The following HIVEP3 variants were observed in gnomAD, a reference collection of about 807,000 sequenced individuals.
HIVEP3 encodes HIVEP zinc finger 3, also known as transcription factor HIVEP3.
A neutral mutation model predicts 152.8 loss-of-function variants in HIVEP3; 49 were observed. The observed-to-expected ratio is 0.32, with a 90% CI of 0.26 to 0.41. The LOEUF (loss-of-function observed/expected upper bound fraction) is 0.41, where lower values mean the gene tolerates loss of function less well. Among genes scored for constraint, HIVEP3 ranks in the 10% least tolerant of loss-of-function variants. The pLI is 1.00. For synonymous variants in HIVEP3, 1,269 were observed against 1,289.0 expected, an observed-to-expected ratio of 0.98 and a Z score of 0.33; for missense variants, 2,790 against 3,103.3, an observed-to-expected ratio of 0.90 and a Z score of 2.40.
intron 1 of HIVEP3, among the ~76,000 whole-genome samples, chr1:42,000,091 C>T (rs1645418454): frequency 6.6e-6 from 1 of 151,992 alleles, no homozygotes; most frequent in Non-Finnish European, 1.5e-5. Context: ...AAAGCTGGAC[C>T]TAGGTACTCA....
chr1:41,568,471 G>A (rs531311196), intron 5 of HIVEP3, among the ~76,000 whole-genome samples: 4 of 152,384 alleles, frequency 2.6e-5, no homozygotes, highest in East Asian at 1.9e-4. Flanking sequence ...ATGCAGGCCC[G>A]TGAGGGCTTC....
At chr1:41,871,240 T>C (rs1170141788) in intron 1 of HIVEP3, among the ~76,000 whole-genome samples, 2 of 152,228 alleles carry the variant, frequency 1.3e-5, no homozygotes, top group Non-Finnish European at 2.9e-5. Context: ...TGATGCCTTA[T>C]CCATCTGAAA....
intron 3 of HIVEP3, among the ~76,000 whole-genome samples, chr1:41,612,980 C>A (rs974539760): frequency 3.3e-5 from 5 of 152,236 alleles, no homozygotes; most frequent in Admixed American, 3.3e-4. Context: ...CTGGCCCTGG[C>A]AGGGTGAATG....
At chr1:41,608,721 G>A (rs911384771) in intron 3 of HIVEP3, among the ~76,000 whole-genome samples, 2 of 152,304 alleles carry the variant, frequency 1.3e-5, no homozygotes, top group East Asian at 1.9e-4. Flanking sequence ...GAATGTTTCC[G>A]TCCCACGGAT....
intron 1 of HIVEP3, among the ~76,000 whole-genome samples, chr1:41,782,714 A>G (rs1449006453): frequency 6.8e-6 from 1 of 146,092 alleles, no homozygotes; most frequent in African/African-American, 2.6e-5. Flanking sequence ...CCTGGGCAAC[A>G]GAGCAAGACT....
intron 2 of HIVEP3, among the ~76,000 whole-genome samples, chr1:41,639,577 C>A (rs1473936105): frequency 6.6e-6 from 1 of 152,200 alleles, no homozygotes; most frequent in East Asian, 1.9e-4. Flanking sequence ...CCTTCCAAGT[C>A]TCTCTCCCTC....
At chr1:41,519,408 G>A (rs1642698429) in intron 6 of HIVEP3, among the ~76,000 whole-genome samples, 1 of 152,220 alleles carries the variant, frequency 6.6e-6, no homozygotes, top group Non-Finnish European at 1.5e-5. Flanking sequence ...ACAGCTCTGT[G>A]GACAGGAGCG....
chr1:41,528,084 TCA>T (rs1418115264), intron 5 of HIVEP3, among the ~76,000 whole-genome samples: 15 of 102,564 alleles, frequency 1.5e-4, no homozygotes, highest in Admixed American at 7.3e-4. Context: ...ACCCTTGCCC[TCA>T]CACCTTCACA....
At chr1:42,011,079 C>T (rs576644687) in intron 1 of HIVEP3, among the ~76,000 whole-genome samples, 5 of 152,362 alleles carry the variant, frequency 3.3e-5, no homozygotes, top group Admixed American at 3.3e-4. Context: ...ACCCACAGCA[C>T]TGCCTGCTGT....
At position 41,953,142 on chromosome 1, in the gene HIVEP3, G is replaced by A. The variant is rs188260457; in HGVS notation, n.120-34618C>T. Among the ~76,000 whole-genome samples the A allele has an allele frequency of 8.1e-4, 123 of 152,260 alleles. 1 individual carries two copies. The highest frequency in any genetic ancestry group is 2.9e-3 in the African/African-American group (119 of 41,528). ...CCCTAGGCCTGCAATGATCTTTCCTGACTTCCTCAGCCTTGAAAACTCCTA... is the reference window on the plus strand; with the variant it reads ...CCCTAGGCCTGCAATGATCTTTCCTAACTTCCTCAGCCTTGAAAACTCCTA... On this transcript the variant is annotated intron_variant and non_coding_transcript_variant, in intron 1 of 3. Transcript: ENST00000489103.
At chr1:41,881,790 T>C (rs995590570) in intron 1 of HIVEP3, among the ~76,000 whole-genome samples, 1 of 152,238 alleles carries the variant, frequency 6.6e-6, no homozygotes, top group Non-Finnish European at 1.5e-5. Context: ...TAAAAATGTG[T>C]TTTATTATTT....
chr1:41,587,711 T>G (rs1235851890), intron 3 of HIVEP3, among the ~76,000 whole-genome samples: 6 of 152,206 alleles, frequency 3.9e-5, no homozygotes, highest in Middle Eastern at 3.2e-3. Flanking sequence ...CAGAAGAGAC[T>G]GAAGGCTAGA....
intron 1 of HIVEP3, among the ~76,000 whole-genome samples, chr1:41,984,657 G>A (rs1363212752): frequency 6.6e-6 from 1 of 152,194 alleles, no homozygotes; most frequent in Non-Finnish European, 1.5e-5. Flanking sequence ...GAGAAGTTTA[G>A]TTTATTGTAA....
chr1:41,669,718 C>T (rs1171027758), intron 2 of HIVEP3, among the ~76,000 whole-genome samples: 2 of 152,194 alleles, frequency 1.3e-5, no homozygotes, highest in Non-Finnish European at 2.9e-5. Context: ...TTTCCTGGGC[C>T]TCAGGCCTTC....
Position 41,796,423 on chromosome 1 carries a change from G to A in HIVEP3, c.-800-95428C>T, listed in dbSNP as rs1321441163. Reference sequence around the variant, plus strand: ...ACAAAGAATAAGGCAGCCTTGCCCAGAGTTCAAATCCCAGCCCTGCCACTA... The same window carrying A: ...ACAAAGAATAAGGCAGCCTTGCCCAAAGTTCAAATCCCAGCCCTGCCACTA... On this transcript the variant is annotated intron_variant, in intron 1 of 8. Coordinates refer to ENST00000372583, the MANE Select transcript of HIVEP3 (RefSeq NM_024503.5). Among the ~76,000 whole-genome samples, 3 of 152,356 alleles carry A rather than the reference G, an allele frequency of 2.0e-5. No individual in the cohort carries two copies. In the East Asian group the frequency reaches 5.8e-4, roughly 29 times the overall value.
At chr1:41,941,984 A>C (rs1031101097) in intron 1 of HIVEP3, among the ~76,000 whole-genome samples, 1 of 152,176 alleles carries the variant, frequency 6.6e-6, no homozygotes, top group Non-Finnish European at 1.5e-5. Context: ...GTCACCTCTA[A>C]GTCTGAAAAA....
intron 1 of HIVEP3, among the ~76,000 whole-genome samples, chr1:41,965,018 G>T (rs748568846): frequency 6.6e-5 from 10 of 152,216 alleles, no homozygotes; most frequent in Admixed American, 1.3e-4. Context: ...ATTCCCACTG[G>T]CATCAGGTTG....
intron 1 of HIVEP3, among the ~76,000 whole-genome samples, chr1:42,031,146 T>G (rs114857075): frequency 0.012 from 1,757 of 152,306 alleles, 38 homozygotes; most frequent in African/African-American, 0.04. Context: ...AAAAGTATTC[T>G]GGAAGAACCC....
chr1:41,512,916 T>C lies in HIVEP3; in HGVS notation c.6305A>G (p.His2102Arg). 1 of 1,589,946 alleles carries C rather than the reference T, an allele frequency of 6.3e-7. No individual in the cohort carries two copies. Among genetic ancestry groups the C allele is most frequent in the Non-Finnish European group, 8.6e-7 (1 of 1,168,532 alleles). ...TGGGTCCAGCCCCAAGCCTGGGCCATGCTCCCCCGCTGAGGGGCTGCCCGG... is the reference window on the plus strand; with the variant it reads ...TGGGTCCAGCCCCAAGCCTGGGCCACGCTCCCCCGCTGAGGGGCTGCCCGG... ...AGPGSPSAGE[H>R]GPGLGLDPRV... The change falls in exon 8 of 9, where the codon CAT becomes CGT. Residue 2102 changes from histidine (H) to arginine (R), a missense_variant. Physicochemically the swap from His to Arg is conservative, Grantham distance 29. Around this residue, in one of 9 missense-constraint regions of HIVEP3, gnomAD observed 816 missense variants for 806.5 expected, o/e 1.01. Coordinates refer to ENST00000372583, the MANE Select transcript of HIVEP3 (RefSeq NM_024503.5).
Sources: gnomAD v4.1 joint callset for allele counts (sites outside exome capture counted in the v4.1 genomes callset) on GRCh38, gnomAD v4.1.1 for gene constraint, gnomAD v4.1.1 regional missense constraint, MANE v1.5 for transcripts, NCBI Gene and HGNC (gene_info 2026-07-23, HGNC 2026-07-21) for gene names.